RAPGEF4: variants seen among roughly 807,000 people sequenced by gnomAD.
RAPGEF4 encodes the protein Rap guanine nucleotide exchange factor 4, also known as RAP guanine-nucleotide-exchange factor (GEF) 4.
In RAPGEF4, 66 loss-of-function variants were observed where a neutral mutation model predicts 147.9. The observed-to-expected ratio is 0.45, with a 90% CI of 0.37 to 0.55. RAPGEF4 has a LOEUF of 0.55. RAPGEF4 is among the 20% of genes least tolerant of loss of function. The probability of loss-of-function intolerance (pLI) is 0.00; values close to 1 mark genes in which losing one functional copy is unlikely to be tolerated. For missense variants in RAPGEF4, 1,071 were observed against 1,257.3 expected (o/e 0.85, Z 2.24); for synonymous variants, 419 against 442.7 (o/e 0.95, Z 0.67).
chr2:173,019,621 G>A (rs1351829343), intron 22 of RAPGEF4, among the ~76,000 whole-genome samples: 2 of 152,226 alleles, frequency 1.3e-5, no homozygotes, highest in Admixed American at 6.5e-5. Flanking sequence ...ATGTTTTAAG[G>A]TGAATGATTC....
intron 2 of RAPGEF4, among the ~76,000 whole-genome samples, chr2:172,796,442 G>A (rs1574864575): frequency 6.6e-6 from 1 of 152,106 alleles, no homozygotes; most frequent in South Asian, 2.1e-4. Flanking sequence ...ACAATTAGCC[G>A]GGCGTGGTGG....
intron 8 of RAPGEF4, among the ~76,000 whole-genome samples, chr2:172,963,527 A>C (rs1031235674): frequency 1.3e-5 from 2 of 152,228 alleles, no homozygotes; most frequent in African/African-American, 2.4e-5. Flanking sequence ...GATGATAGAT[A>C]ATGGAAACTA....
At chr2:172,877,239 A>G (rs1288700001) in intron 4 of RAPGEF4, among the ~76,000 whole-genome samples, 1 of 152,200 alleles carries the variant, frequency 6.6e-6, no homozygotes, top group African/African-American at 2.4e-5. Context: ...CTGGAAATCC[A>G]TCATTCTCAG....
At chr2:172,846,939 G>A (rs578110585) in intron 4 of RAPGEF4, among the ~76,000 whole-genome samples, 1 of 152,252 alleles carries the variant, frequency 6.6e-6, no homozygotes, top group Admixed American at 6.5e-5. Context: ...CTGTTTGCAT[G>A]TCTCTCCTCC....
At chr2:172,843,365 G>A (rs1287365419) in intron 4 of RAPGEF4, among the ~76,000 whole-genome samples, 1 of 152,114 alleles carries the variant, frequency 6.6e-6, no homozygotes, top group Non-Finnish European at 1.5e-5. Context: ...ATTTGCCGGG[G>A]GCAAGTCAAA....
In RAPGEF4 at chr2:173,026,656, A is replaced by G. The variant is rs1466707544; in HGVS notation, c.2338A>G (p.Met780Val). Residue 780 changes from methionine (M) to valine (V), a missense_variant, in exon 24 of 31, where the codon ATG becomes GTG. Coordinates refer to ENST00000397081, the MANE Select transcript of RAPGEF4 (RefSeq NM_007023.4). ...LMSSKDLAYQ[M>V]TIYDWELFNC... ...GAGCTCCAAAGATTTAGCATACCAG[A>G]TGACAATTTATGATTGGGAACTCTT... 5.6e-6 allele frequency: 9 copies of G among 1,613,998 alleles called. No homozygotes were observed. Among genetic ancestry groups the G allele is most frequent in the African/African-American group, 1.3e-5 (1 of 74,920 alleles).
chr2:172,978,399 C>T (rs930624), intron 10 of RAPGEF4, among the ~76,000 whole-genome samples: 146,105 of 152,314 alleles, frequency 0.96, 70,373 homozygotes, highest in Middle Eastern at 1. Context: ...CTGCCTTCTT[C>T]TCCTACTGTG....
At chr2:173,037,584 T>C (rs148801173) in intron 29 of RAPGEF4, among the ~76,000 whole-genome samples, 60 of 152,372 alleles carry the variant, frequency 3.9e-4, no homozygotes, top group African/African-American at 1.4e-3. Flanking sequence ...TAGTGCATGC[T>C]GATGGAATGA....
rs189165497 is a variant in RAPGEF4 at position 172,761,841 on chromosome 2, C to T, written c.65+25793C>T. On this transcript the variant is annotated intron_variant, in intron 1 of 30. Coordinates refer to ENST00000397081, the MANE Select transcript of RAPGEF4 (RefSeq NM_007023.4). ...TATCCTTAAAAAAACATGCTGCTTT[C>T]GGCCTGGCATGGTGGCTCATGCCTG... 2.3e-3 allele frequency among the ~76,000 whole-genome samples: 353 copies of T among 152,178 alleles called. 1 individual carries two copies. Among genetic ancestry groups the T allele is most frequent in the Non-Finnish European group, 4.3e-3 (294 of 67,980 alleles).
At chr2:173,036,345 C>T (rs1319801231) in intron 28 of RAPGEF4, 133 bp downstream of exon 28, 2 of 768,346 alleles carry the variant, frequency 2.6e-6, no homozygotes, top group Non-Finnish European at 2.2e-6. Flanking sequence ...GTCATCTCCT[C>T]TCAGTCCTGA....
chr2:172,910,091 T>C (rs940918411), intron 4 of RAPGEF4, among the ~76,000 whole-genome samples: 1 of 152,204 alleles, frequency 6.6e-6, no homozygotes, highest in South Asian at 2.1e-4. Context: ...GACAGACACA[T>C]TGGGTGATTC....
At chr2:172,946,535 C>T (rs1347974055) in intron 6 of RAPGEF4, among the ~76,000 whole-genome samples, 1 of 152,188 alleles carries the variant, frequency 6.6e-6, no homozygotes, top group African/African-American at 2.4e-5. Flanking sequence ...CTGTAGGCTA[C>T]AGCCAGACTA....
intron 1 of RAPGEF4, among the ~76,000 whole-genome samples, chr2:172,739,028 A>G (rs1314129005): frequency 6.6e-6 from 1 of 152,236 alleles, no homozygotes; most frequent in East Asian, 1.9e-4. Flanking sequence ...AGATATGTAG[A>G]TTAGATTAAA....
chr2:172,967,068 G>A (rs1474169273), intron 9 of RAPGEF4, 193 bp from the exon 10 acceptor site: 9 of 556,956 alleles, frequency 1.6e-5, no homozygotes, highest in Middle Eastern at 4.8e-4. Flanking sequence ...GAGGGCTGTG[G>A]TGTGCATGAC....
chr2:172,857,020 C>T (rs1693489241), intron 4 of RAPGEF4, among the ~76,000 whole-genome samples: 3 of 143,088 alleles, frequency 2.1e-5, no homozygotes, highest in African/African-American at 7.7e-5. Flanking sequence ...CCACTGCCTT[C>T]AGATAATTTT....
intron 1 of RAPGEF4, among the ~76,000 whole-genome samples, chr2:172,786,047 T>C (rs1240954770): frequency 1.3e-5 from 2 of 152,208 alleles, no homozygotes; most frequent in East Asian, 1.9e-4. Context: ...GTGTGTTCTT[T>C]CCCACAAATG....
chr2:172,955,816 G>A (rs902766822), intron 6 of RAPGEF4, among the ~76,000 whole-genome samples: 7 of 152,126 alleles, frequency 4.6e-5, no homozygotes, highest in Admixed American at 3.9e-4. Context: ...TGTAGGGAGC[G>A]AGTGAGAGGG....
intron 4 of RAPGEF4, among the ~76,000 whole-genome samples, chr2:172,896,437 T>C (rs1698486017): frequency 6.6e-6 from 1 of 152,188 alleles, no homozygotes; most frequent in Admixed American, 6.5e-5. Context: ...TTCCTTTGTA[T>C]ACAGAGTTTT....
chr2:172,754,149 GCA>G (rs1314077337), intron 1 of RAPGEF4, among the ~76,000 whole-genome samples: 1 of 152,076 alleles, frequency 6.6e-6, no homozygotes, highest in African/African-American at 2.4e-5. Context: ...ATATTTTCCT[GCA>G]GTATTTTTTT....
Sources: gnomAD v4.1 joint callset for allele counts (sites outside exome capture counted in the v4.1 genomes callset) on GRCh38, gnomAD v4.1.1 for gene constraint, MANE v1.5 for transcripts, NCBI Gene and HGNC (gene_info 2026-07-23, HGNC 2026-07-21) for gene names.